The following THSD7B variants were observed in gnomAD, a reference collection of about 807,000 sequenced individuals.
The protein encoded by THSD7B is thrombospondin type 1 domain containing 7B.
THSD7B carries 138 observed loss-of-function variants against 213.6 expected under a neutral mutation model. The observed-to-expected ratio is 0.65, with a 90% CI of 0.56 to 0.74. The LOEUF (loss-of-function observed/expected upper bound fraction) is 0.74, where lower values mean the gene tolerates loss of function less well. THSD7B is among the 30% of genes least tolerant of loss of function. The probability of loss-of-function intolerance (pLI) is 0.00; values close to 1 mark genes in which losing one functional copy is unlikely to be tolerated. For synonymous variants in THSD7B, 742 were observed against 687.0 expected (o/e 1.08, Z -1.25); for missense variants, 1,931 against 1,991.5 (o/e 0.97, Z 0.58).
At chr2:136,885,795 G>A (rs909605012) in intron 2 of THSD7B, among the ~76,000 whole-genome samples, 6 of 152,066 alleles carry the variant, frequency 3.9e-5, no homozygotes, top group Admixed American at 2.0e-4. Context: ...GCAAATCCTC[G>A]GTCCTCATAA....
rs1467820916 is a variant in THSD7B, at chr2:137,232,984, A to T, written c.2001A>T (p.Thr667=). 2 of 1,613,872 alleles carry T rather than the reference A, an allele frequency of 1.2e-6. No individual in the cohort carries two copies. Among genetic ancestry groups the T allele is most frequent in the East Asian group, 4.5e-5 (2 of 44,892 alleles). ...DHSCMQLHWE[T]SPWGPCSEDT... is the part of the protein sequence containing the mutation. ...CCTGTATGCAGCTTCACTGGGAGAC[A>T]TCGCCTTGGGGCCCTTGTTCTGAGG... Residue 667 remains threonine (T), a synonymous_variant, in exon 9 of 28, where the codon ACA becomes ACT. Transcript: ENST00000409968.
chr2:136,814,878 G>A (rs1682445800), intron 1 of THSD7B, among the ~76,000 whole-genome samples: 1 of 152,116 alleles, frequency 6.6e-6, no homozygotes, highest in African/African-American at 2.4e-5. Flanking sequence ...CTCAAGATGA[G>A]AATGTTTTTT....
intron 2 of THSD7B, among the ~76,000 whole-genome samples, chr2:137,005,375 T>A (rs887098645): frequency 6.6e-6 from 1 of 152,222 alleles, no homozygotes; most frequent in Admixed American, 6.5e-5. Context: ...TCATCTGCTA[T>A]CTTTTCTCCC....
chr2:137,073,891 G>A (rs559373061), intron 3 of THSD7B, among the ~76,000 whole-genome samples: 267 of 152,280 alleles, frequency 1.8e-3, no homozygotes, highest in African/African-American at 5.9e-3. Context: ...GTAGTTGAGC[G>A]GTTTTGAGTG....
intron 2 of THSD7B, among the ~76,000 whole-genome samples, chr2:136,974,256 T>C (rs1685446162): frequency 6.6e-6 from 1 of 152,198 alleles, no homozygotes; most frequent in Non-Finnish European, 1.5e-5. Context: ...TATGTAAATG[T>C]GTGCCATGGT....
intron 12 of THSD7B, among the ~76,000 whole-genome samples, chr2:137,281,811 C>T (rs1024514731): frequency 6.6e-6 from 1 of 152,102 alleles, no homozygotes; most frequent in Non-Finnish European, 1.5e-5. Context: ...CATTGTTGGA[C>T]ATTTGGGTTG....
intron 2 of THSD7B, among the ~76,000 whole-genome samples, chr2:136,935,954 T>C (rs895924993): frequency 3.4e-5 from 5 of 147,948 alleles, no homozygotes; most frequent in Admixed American, 1.4e-4. Context: ...TTATATATTC[T>C]AGAGAATATT....
At chr2:137,339,789 G>C (rs1381589649) in intron 12 of THSD7B, among the ~76,000 whole-genome samples, 1 of 151,684 alleles carries the variant, frequency 6.6e-6, no homozygotes, top group Non-Finnish European at 1.5e-5. Context: ...ATTTCTGCCT[G>C]AACCTCTTTC....
chr2:137,425,718 C>A (rs1051572779), intron 14 of THSD7B, among the ~76,000 whole-genome samples: 7 of 152,062 alleles, frequency 4.6e-5, no homozygotes, highest in Non-Finnish European at 1.0e-4. Context: ...ATCACAAGCC[C>A]ACAGCTAACA....
At chr2:136,793,589 G>A (rs1682007098) in intron 1 of THSD7B, among the ~76,000 whole-genome samples, 2 of 151,844 alleles carry the variant, frequency 1.3e-5, no homozygotes, top group African/African-American at 4.8e-5. Context: ...TTGACTTTTG[G>A]TTGTTAAACC....
chr2:137,344,793 C>T (rs1032958433), intron 12 of THSD7B, among the ~76,000 whole-genome samples: 1 of 151,606 alleles, frequency 6.6e-6, no homozygotes, highest in African/African-American at 2.4e-5. Context: ...GGTGGTTAGT[C>T]AACATTAACA....
At chr2:136,911,367 C>T (rs941955486) in intron 2 of THSD7B, among the ~76,000 whole-genome samples, 4 of 152,168 alleles carry the variant, frequency 2.6e-5, no homozygotes, top group Admixed American at 6.5e-5. Context: ...ATTGCTTTCA[C>T]TGTTTCTTTC....
At chr2:137,011,278 G>A (rs1437682446) in intron 2 of THSD7B, among the ~76,000 whole-genome samples, 5 of 152,106 alleles carry the variant, frequency 3.3e-5, no homozygotes, top group Non-Finnish European at 1.5e-5. Context: ...TATTCCATTT[G>A]TTTCCTAAAC....
rs1687466419 is a variant in THSD7B, at chr2:137,070,687, T to G, written c.950+13457T>G. ...TTAACTCGTCATTTAGCATTAGGTA[T>G]ATCTCCTAATGCTATCCCTCCCCCT... On this transcript the variant is annotated intron_variant, in intron 3 of 27. Coordinates refer to ENST00000409968, the MANE Select transcript of THSD7B (RefSeq NM_001316349.2). Among the ~76,000 whole-genome samples the G allele has an allele frequency of 1.3e-5, 2 of 152,108 alleles. 1 individual carries two copies. Among genetic ancestry groups the G allele is most frequent in the South Asian group, 4.1e-4 (2 of 4,822 alleles).
intron 1 of THSD7B, among the ~76,000 whole-genome samples, chr2:136,859,294 T>G (rs1323033196): frequency 6.6e-6 from 1 of 152,202 alleles, no homozygotes; most frequent in African/African-American, 2.4e-5. Context: ...AATTTTAAAG[T>G]GTCTGAAATG....
intron 1 of THSD7B, among the ~76,000 whole-genome samples, chr2:136,794,612 C>A (rs1682027946): frequency 6.6e-6 from 1 of 151,874 alleles, no homozygotes; most frequent in Non-Finnish European, 1.5e-5. Context: ...TGACCAAATG[C>A]ATGCTTTATT....
intron 10 of THSD7B, among the ~76,000 whole-genome samples, chr2:137,267,571 A>G (rs1368399581): frequency 6.6e-6 from 1 of 151,522 alleles, no homozygotes; most frequent in Non-Finnish European, 1.5e-5. Flanking sequence ...TTTAATGGAA[A>G]TATCATGGGC....
intron 1 of THSD7B, among the ~76,000 whole-genome samples, chr2:136,782,717 T>C (rs1681765180): frequency 6.6e-6 from 1 of 152,174 alleles, no homozygotes; most frequent in Non-Finnish European, 1.5e-5. Context: ...CTATAGTTAG[T>C]GTCGATATAT....
intron 2 of THSD7B, among the ~76,000 whole-genome samples, chr2:136,974,612 G>C (rs12104770): frequency 0.14 from 21,842 of 152,144 alleles, 1,658 homozygotes; most frequent in African/African-American, 0.18. Flanking sequence ...GTGGGCATAT[G>C]GGGTGATTCC....
Sources: gnomAD v4.1 joint callset for allele counts (sites outside exome capture counted in the v4.1 genomes callset) on GRCh38, gnomAD v4.1.1 for gene constraint, MANE v1.5 for transcripts, NCBI Gene and HGNC (gene_info 2026-07-23, HGNC 2026-07-21) for gene names.